The following TRMO variants were observed in gnomAD, a reference collection of about 807,000 sequenced individuals.
TRMO encodes tRNA methyltransferase O.
In TRMO, 30 loss-of-function variants were observed where a neutral mutation model predicts 37.2. That is an observed-to-expected ratio of 0.81 (90% CI 0.60 to 1.09). The LOEUF (loss-of-function observed/expected upper bound fraction) is 1.09. TRMO is among the 50% of genes least tolerant of loss of function. The pLI is 0.00. For synonymous variants in TRMO, 239 were observed against 199.4 expected, an observed-to-expected ratio of 1.20 and a Z score of -1.67; for missense variants, 552 against 549.5, an observed-to-expected ratio of 1.00 and a Z score of -0.05.
the TRMO span, among the ~76,000 whole-genome samples, chr9:97,898,430 C>A: frequency 6.6e-6 from 1 of 152,124 alleles, no homozygotes. Context: ...TTCCTGGGCT[C>A]AGGTGATCCT....
At chr9:97,921,863 T>C (rs144607001) in intron 1 of TRMO, among the ~76,000 whole-genome samples, 303 of 152,354 alleles carry the variant, frequency 2.0e-3, no homozygotes, top group Non-Finnish European at 3.5e-3. Flanking sequence ...CACCAAGATA[T>C]TGACAATGGC....
chr9:97,911,424 A>T (rs1826120492), intron 3 of TRMO: 1 of 152,790 alleles, frequency 6.5e-6, no homozygotes, highest in Non-Finnish European at 1.5e-5. Context: ...CTACGATGGC[A>T]AGGAAATCAA....
intron 4 of TRMO, among the ~76,000 whole-genome samples, chr9:97,906,841 CAA>C (rs752160277): frequency 8.0e-6 from 1 of 125,488 alleles, no homozygotes; most frequent in Non-Finnish European, 1.7e-5. Context: ...GACTCCGTCT[CAA>C]AAAAAAAAAA....
downstream of TRMO, among the ~76,000 whole-genome samples, chr9:97,902,364 G>A (rs564341102): frequency 1.8e-3 from 277 of 152,270 alleles, 1 homozygote; most frequent in Admixed American, 2.8e-3. Flanking sequence ...GCAGTGGCAC[G>A]ATCTCGGCTC....
intron 1 of TRMO, among the ~76,000 whole-genome samples, chr9:97,917,393 T>C (rs1200640028): frequency 1.3e-5 from 2 of 152,240 alleles, no homozygotes; most frequent in South Asian, 2.1e-4. Context: ...CCCTCTAGAA[T>C]GTAAGCTCCA....
chr9:97,908,431 A>AAAT (rs2131520120), intron 4 of TRMO, among the ~76,000 whole-genome samples: 1 of 138,552 alleles, frequency 7.2e-6, no homozygotes, highest in South Asian at 2.3e-4. Context: ...AAAAAAAAAA[A>AAAT]TCAAAATATT....
At chr9:97,913,661 ACAG>A in intron 2 of TRMO, 103 bp from the exon 3 acceptor site, 1 of 754,024 alleles carries the variant, frequency 1.3e-6, no homozygotes, top group African/African-American at 1.7e-5. Flanking sequence ...CCACAAATTA[ACAG>A]AAATCATGTT....
At chr9:97,910,980 G>A (rs759199437) in intron 3 of TRMO, 15 of 482,612 alleles carry the variant, frequency 3.1e-5, no homozygotes, top group South Asian at 1.7e-4. Context: ...ATCCCTAGAC[G>A]CAGGCAGGCC....
intron 1 of TRMO, among the ~76,000 whole-genome samples, chr9:97,919,117 T>C (rs867377560): frequency 4.6e-5 from 7 of 152,222 alleles, no homozygotes; most frequent in Admixed American, 1.3e-4. Flanking sequence ...TTTTAGTTTT[T>C]TGTTTTTTCT....
chr9:97,922,349 T>C, intron 1 of TRMO, 69 bp downstream of exon 1: 1 of 1,100,396 alleles, frequency 9.1e-7, no homozygotes, highest in Non-Finnish European at 1.3e-6. Flanking sequence ...TACACCCCTC[T>C]CGGCAACGAA....
At chr9:97,904,288 C>T (rs1307227933), downstream of TRMO, among the ~76,000 whole-genome samples, 1 of 152,028 alleles carries the variant, frequency 6.6e-6, no homozygotes, top group Admixed American at 6.6e-5. Flanking sequence ...ACTATCTCTA[C>T]TTGTTTTTTA....
intron 3 of TRMO, 48 bp from the exon 4 acceptor site, chr9:97,910,664 G>A (rs1228088415): frequency 3.1e-6 from 5 of 1,588,174 alleles, no homozygotes; most frequent in Non-Finnish European, 3.4e-6. Context: ...AACACTTGGA[G>A]AATACAGTCA....
At chr9:97,898,838 C>T in the TRMO span, among the ~76,000 whole-genome samples, 37 of 89,050 alleles carry the variant, frequency 4.2e-4, no homozygotes, top group South Asian at 7.9e-4. Context: ...TATATATATA[C>T]TTTTTTTTTT....
chr9:97,905,127 A>G, intron 4 of TRMO, 135 bp from the exon 5 acceptor site: 5 of 939,582 alleles, frequency 5.3e-6, no homozygotes, highest in Middle Eastern at 2.2e-4. Flanking sequence ...CTATTTGATC[A>G]TTACGGAGAC....
chr9:97,916,069 T>G, intron 2 of TRMO, 95 bp downstream of exon 2: 1 of 841,298 alleles, frequency 1.2e-6, no homozygotes, highest in Non-Finnish European at 1.8e-6. Flanking sequence ...GAGGGTGGTC[T>G]GGATGGCAGA....
the TRMO span, among the ~76,000 whole-genome samples, chr9:97,897,289 CACA>C: frequency 2.6e-5 from 4 of 152,334 alleles, no homozygotes; most frequent in African/African-American, 9.6e-5. Context: ...TTCTGGAACT[CACA>C]ACGAGTTTCA....
intron 1 of TRMO, among the ~76,000 whole-genome samples, chr9:97,918,332 A>G (rs1012164634): frequency 2.6e-5 from 4 of 151,478 alleles, no homozygotes; most frequent in Non-Finnish European, 5.9e-5. Flanking sequence ...CAGAGGTTGC[A>G]GTGAGCCAAG....
the TRMO span, among the ~76,000 whole-genome samples, chr9:97,898,769 T>C: frequency 6.6e-6 from 1 of 150,554 alleles, no homozygotes; most frequent in Non-Finnish European, 1.5e-5. Context: ...CCCTTCTCCA[T>C]CACGGAGGTA....
intron 4 of TRMO, among the ~76,000 whole-genome samples, chr9:97,908,209 G>A (rs1825942984): frequency 2.0e-5 from 3 of 152,062 alleles, no homozygotes; most frequent in South Asian, 2.1e-4. Context: ...TCAGGAGATC[G>A]AGACCATCCT....
Sources: allele counts gnomAD v4.1 joint callset (sites outside exome capture counted in the v4.1 genomes callset), GRCh38; gene constraint gnomAD v4.1.1; transcripts MANE v1.5; gene names NCBI Gene and HGNC (gene_info 2026-07-23, HGNC 2026-07-21).